Variants in CYP39A1 observed in about 807,000 individuals in gnomAD.
The protein encoded by CYP39A1 is cytochrome P450 family 39 subfamily A member 1.
CYP39A1 carries 49 observed loss-of-function variants against 58.1 expected under a neutral mutation model. That is an observed-to-expected ratio of 0.84 (90% CI 0.67 to 1.07). The LOEUF (loss-of-function observed/expected upper bound fraction) is 1.07, where lower values mean the gene tolerates loss of function less well. CYP39A1 is among the 50% of genes least tolerant of loss of function. CYP39A1 has a pLI of 0.00. For missense variants in CYP39A1, 531 were observed against 539.4 expected, an observed-to-expected ratio of 0.98 and a Z score of 0.16; for synonymous variants, 209 against 187.6, an observed-to-expected ratio of 1.11 and a Z score of -0.93.
rs148645923 is a variant in CYP39A1 at position 46,559,623 on chromosome 6, G to A, written c.1251-5769C>T. Among the ~76,000 whole-genome samples, 276 of 152,302 alleles carry A rather than the reference G, an allele frequency of 1.8e-3. 1 individual carries two copies. The highest frequency in any genetic ancestry group is 5.8e-3 in the African/African-American group (241 of 41,566). ...GCCTCACTTTCATCCCTCTGCTGGA[G>A]ATGATCTGAAAAAAGCAGCATCTCA... On this transcript the variant is annotated intron_variant, in intron 10 of 11. Coordinates refer to ENST00000275016, the MANE Select transcript of CYP39A1 (RefSeq NM_016593.5).
chr6:46,597,164 C>T (rs570946151), intron 7 of CYP39A1, among the ~76,000 whole-genome samples: 1 of 152,168 alleles, frequency 6.6e-6, no homozygotes, highest in South Asian at 2.1e-4. Context: ...CAGAAGCAAA[C>T]ACCTTTGGTT....
chr6:46,579,319 T>C (rs1384123827), intron 10 of CYP39A1, among the ~76,000 whole-genome samples: 1 of 152,030 alleles, frequency 6.6e-6, no homozygotes, highest in Non-Finnish European at 1.5e-5. Flanking sequence ...TCCTTCATGT[T>C]AAAAACCCTC....
At chr6:46,573,295 T>G (rs930281855) in intron 10 of CYP39A1, among the ~76,000 whole-genome samples, 3 of 152,062 alleles carry the variant, frequency 2.0e-5, no homozygotes, top group African/African-American at 7.2e-5. Flanking sequence ...TGGGCTGGAT[T>G]TGTGGGGAAA....
intron 5 of CYP39A1, among the ~76,000 whole-genome samples, chr6:46,633,273 AG>A (rs1159003515): frequency 1.3e-5 from 2 of 152,210 alleles, no homozygotes; most frequent in African/African-American, 4.8e-5. Context: ...CACAGGACAA[AG>A]TTTATACCTC....
At chr6:46,634,767 C>A (rs1257898931) in intron 5 of CYP39A1, among the ~76,000 whole-genome samples, 1 of 152,036 alleles carries the variant, frequency 6.6e-6, no homozygotes, top group East Asian at 1.9e-4. Context: ...GGTGATCCAC[C>A]CACCTTGGCC....
intron 10 of CYP39A1, among the ~76,000 whole-genome samples, chr6:46,554,549 T>G (rs1770571123): frequency 2.0e-5 from 3 of 152,214 alleles, no homozygotes; most frequent in Admixed American, 2.0e-4. Context: ...TCATTTATTT[T>G]AAATTATGCA....
intron 10 of CYP39A1, among the ~76,000 whole-genome samples, chr6:46,557,088 T>TA (rs1770700282): frequency 6.6e-6 from 1 of 151,808 alleles, no homozygotes; most frequent in African/African-American, 2.4e-5. Context: ...TAACAGATGG[T>TA]AAAATGCTGC....
At chr6:46,629,871 G>T (rs6907129) in intron 6 of CYP39A1, among the ~76,000 whole-genome samples, 13,200 of 151,700 alleles carry the variant, frequency 0.087, 1,917 homozygotes, top group African/African-American at 0.3. Flanking sequence ...GGAAACTGTT[G>T]GCACTGAACA....
At chr6:46,551,371 A>G (rs77734962) in intron 11 of CYP39A1, among the ~76,000 whole-genome samples, 17 of 139,940 alleles carry the variant, frequency 1.2e-4, no homozygotes, top group Non-Finnish European at 2.3e-4. Context: ...AGTAAAATGA[A>G]AAAAAAAAAA....
intron 7 of CYP39A1, among the ~76,000 whole-genome samples, chr6:46,617,202 AT>A (rs1382579946): frequency 6.6e-6 from 1 of 152,146 alleles, no homozygotes; most frequent in Non-Finnish European, 1.5e-5. Flanking sequence ...TGGTAGTCAT[AT>A]TTTTTGAATC....
chr6:46,642,465 T>C (rs540348107), intron 1 of CYP39A1, among the ~76,000 whole-genome samples, 167 bp from the exon 2 acceptor site: 15 of 152,318 alleles, frequency 9.8e-5, no homozygotes, highest in African/African-American at 3.6e-4. Flanking sequence ...ATCTGAATTA[T>C]ATACATTTTA....
intron 7 of CYP39A1, among the ~76,000 whole-genome samples, chr6:46,612,254 A>C (rs1171852143): frequency 6.6e-6 from 1 of 152,192 alleles, no homozygotes; most frequent in Admixed American, 6.5e-5. Context: ...AGTGGAAGAA[A>C]TAAAGCTTCC....
At position 46,601,281 on chromosome 6, in the gene CYP39A1, G is replaced by A. The variant is rs56363023; in HGVS notation, c.932-5161C>T. Among the ~76,000 whole-genome samples the A allele has an allele frequency of 7.2e-3, 1,097 of 152,136 alleles. 13 individuals carry two copies. The highest frequency in any genetic ancestry group is 0.025 in the African/African-American group (1,041 of 41,490). ...CATTGCTACCACTCTTGTCCAAGCCGTGAATATTTCTCACCTGGTCCAGGG... is the reference window on the plus strand; with the variant it reads ...CATTGCTACCACTCTTGTCCAAGCCATGAATATTTCTCACCTGGTCCAGGG... On this transcript the variant is annotated intron_variant, in intron 7 of 11. Coordinates refer to ENST00000275016, the MANE Select transcript of CYP39A1 (RefSeq NM_016593.5).
At chr6:46,641,423 T>G (rs1342231052) in intron 2 of CYP39A1, among the ~76,000 whole-genome samples, 1 of 151,386 alleles carries the variant, frequency 6.6e-6, no homozygotes, top group Non-Finnish European at 1.5e-5. Context: ...TGGCAAGAAA[T>G]GCACAAAAGG....
At chr6:46,581,757 CAT>C (rs1384653790) in intron 10 of CYP39A1, among the ~76,000 whole-genome samples, 1 of 152,078 alleles carries the variant, frequency 6.6e-6, no homozygotes, top group Non-Finnish European at 1.5e-5. Context: ...CAAACTTGCA[CAT>C]GTACCCCCCT....
intron 10 of CYP39A1, among the ~76,000 whole-genome samples, chr6:46,580,536 A>T (rs1351986022): frequency 2.6e-5 from 4 of 152,242 alleles, no homozygotes; most frequent in Non-Finnish European, 4.4e-5. Flanking sequence ...GCTTCTGCAC[A>T]GTAAGAGAAA....
chr6:46,625,609 T>C, intron 6 of CYP39A1, 101 bp from the exon 7 acceptor site: 2 of 785,872 alleles, frequency 2.5e-6, no homozygotes, highest in South Asian at 4.8e-5. Context: ...AAGGATGATG[T>C]TTAAATTAAC....
chr6:46,614,898 C>T (rs1774435651), intron 7 of CYP39A1, among the ~76,000 whole-genome samples: 1 of 152,168 alleles, frequency 6.6e-6, no homozygotes, highest in Non-Finnish European at 1.5e-5. Flanking sequence ...ATGTCAAGTG[C>T]ATTGTGGCCA....
At chr6:46,558,618 C>T (rs1373035507) in intron 10 of CYP39A1, among the ~76,000 whole-genome samples, 1 of 152,104 alleles carries the variant, frequency 6.6e-6, no homozygotes, top group African/African-American at 2.4e-5. Context: ...ACTAATTTTA[C>T]CATGAGAGAG....
Sources: gnomAD v4.1 joint callset for allele counts (sites outside exome capture counted in the v4.1 genomes callset) on GRCh38, gnomAD v4.1.1 for gene constraint, MANE v1.5 for transcripts, NCBI Gene and HGNC (gene_info 2026-07-23, HGNC 2026-07-21) for gene names.